Variants in TMEM178B observed in about 807,000 individuals in gnomAD.
The protein encoded by TMEM178B is transmembrane protein 178B.
Under a neutral mutation model 31.0 loss-of-function variants are expected in TMEM178B, and 5 were observed. The observed-to-expected ratio is 0.16, with a 90% CI of 0.08 to 0.34. The LOEUF (loss-of-function observed/expected upper bound fraction) is 0.34. Among genes scored for constraint, TMEM178B ranks in the 10% least tolerant of loss-of-function variants. The probability of loss-of-function intolerance (pLI) is 1.00; values close to 1 mark genes in which losing one functional copy is unlikely to be tolerated. For missense variants in TMEM178B, 275 were observed against 400.3 expected (o/e 0.69, Z 2.67); for synonymous variants, 164 against 164.0 (o/e 1.00, Z 0.00).
At chr7:141,218,182 T>A (rs1049993081) in intron 2 of TMEM178B, among the ~76,000 whole-genome samples, 10 of 152,048 alleles carry the variant, frequency 6.6e-5, no homozygotes, top group African/African-American at 2.4e-4. Context: ...AGGCTTCTCA[T>A]CTACAGCATT....
chr7:141,188,846 T>C (rs957849238), intron 1 of TMEM178B, among the ~76,000 whole-genome samples: 2 of 152,168 alleles, frequency 1.3e-5, no homozygotes, highest in African/African-American at 2.4e-5. Context: ...AGAATCAAGG[T>C]CACAGACTTA....
chr7:141,510,140 G>T, the TMEM178B span, among the ~76,000 whole-genome samples: 2 of 152,174 alleles, frequency 1.3e-5, no homozygotes, highest in Non-Finnish European at 2.9e-5. Context: ...GCTTCCGGGA[G>T]CCTGCTAGAC....
chr7:141,416,940 C>T (rs1364817166), intron 2 of TMEM178B, among the ~76,000 whole-genome samples: 10 of 152,202 alleles, frequency 6.6e-5, no homozygotes, highest in Non-Finnish European at 1.0e-4. Flanking sequence ...TCATGTGAGA[C>T]GCTTCAAGCA....
chr7:141,197,194 C>A (rs1006352601), intron 1 of TMEM178B, among the ~76,000 whole-genome samples: 4 of 152,186 alleles, frequency 2.6e-5, no homozygotes, highest in Non-Finnish European at 5.9e-5. Flanking sequence ...CCTGTATGAA[C>A]TTATTGAATT....
Position 141,470,999 on chromosome 7 carries a change from G to A in TMEM178B, c.*213G>A, listed in dbSNP as rs1336285966. ...CTCTTCCATCAGTTCTTGACTTTTG[G>A]CTTCATGGTCTCTTGAAGACAGAGC... On this transcript the variant is annotated 3_prime_UTR_variant, in exon 4 of 4. Transcript: ENST00000565468. 1 of 166,404 alleles carries A rather than the reference G, an allele frequency of 6.0e-6. No individual in the cohort carries two copies. The highest frequency in any genetic ancestry group is 1.7e-4 in the East Asian group (1 of 5,850). The allele number at this position is 166,404 out of a possible 1,614,324, so 10.3% of individuals were successfully genotyped here. A position where few individuals can be genotyped will look rare whatever the true frequency, so the allele number is the denominator to read the frequency against.
intron 3 of TMEM178B, among the ~76,000 whole-genome samples, chr7:141,469,102 G>A (rs1047601322): frequency 2.3e-4 from 35 of 152,210 alleles, no homozygotes; most frequent in African/African-American, 8.0e-4. Flanking sequence ...TATTGGCACA[G>A]CTGCCAGTAT....
At chr7:141,237,602 T>C (rs1023262045) in intron 2 of TMEM178B, among the ~76,000 whole-genome samples, 1 of 152,236 alleles carries the variant, frequency 6.6e-6, no homozygotes, top group Non-Finnish European at 1.5e-5. Flanking sequence ...TGATTATCTC[T>C]GGGTGGTGGG....
At position 141,425,181 on chromosome 7, in the gene TMEM178B, T is replaced by C. The variant is rs544203676; in HGVS notation, c.497-12427T>C. Among the ~76,000 whole-genome samples the C allele has an allele frequency of 1.8e-3, 275 of 152,358 alleles. 2 individuals are homozygous for C. The highest frequency in any genetic ancestry group is 6.3e-3 in the African/African-American group (260 of 41,586). ...GTGTTAATTCCTATTTATCTTCCCC[T>C]TTCCCAGGCTTTTCAAATCCTTTGC... On this transcript the variant is annotated intron_variant, in intron 2 of 3. Coordinates refer to ENST00000565468, the MANE Select transcript of TMEM178B (RefSeq NM_001195278.2).
intron 2 of TMEM178B, among the ~76,000 whole-genome samples, chr7:141,236,039 A>G (rs778434142): frequency 6.6e-6 from 1 of 152,226 alleles, no homozygotes; most frequent in Non-Finnish European, 1.5e-5. Context: ...CTGGATCACC[A>G]GCAAGAGATG....
At chr7:141,215,801 T>C (rs1244028093) in intron 2 of TMEM178B, among the ~76,000 whole-genome samples, 1 of 103,534 alleles carries the variant, frequency 9.7e-6, no homozygotes, top group East Asian at 3.0e-4. Flanking sequence ...TTTCTTTCTT[T>C]CTTTCTTTCT....
intron 1 of TMEM178B, among the ~76,000 whole-genome samples, chr7:141,125,603 C>T (rs1795479210): frequency 6.6e-6 from 1 of 151,262 alleles, no homozygotes; most frequent in African/African-American, 2.4e-5. Flanking sequence ...TTGCCTGAAC[C>T]CAGGAGGTGG....
chr7:141,129,230 G>C (rs1795555781), intron 1 of TMEM178B, among the ~76,000 whole-genome samples: 1 of 152,176 alleles, frequency 6.6e-6, no homozygotes, highest in Admixed American at 6.5e-5. Flanking sequence ...TTGAATGAAT[G>C]AACTATTTAT....
At chr7:141,146,951 A>G (rs1231184740) in intron 1 of TMEM178B, among the ~76,000 whole-genome samples, 2 of 152,074 alleles carry the variant, frequency 1.3e-5, no homozygotes, top group Non-Finnish European at 2.9e-5. Context: ...GTATCTGTGT[A>G]TTTCTATGGG....
At chr7:141,359,208 T>C (rs1799875090) in intron 2 of TMEM178B, among the ~76,000 whole-genome samples, 1 of 152,254 alleles carries the variant, frequency 6.6e-6, no homozygotes, top group African/African-American at 2.4e-5. Context: ...ATTGATGATT[T>C]GTTTTCTTCC....
intron 2 of TMEM178B, among the ~76,000 whole-genome samples, chr7:141,240,762 C>T (rs781126960): frequency 2.6e-5 from 4 of 152,214 alleles, no homozygotes; most frequent in Admixed American, 1.3e-4. Flanking sequence ...AAGCCAATTG[C>T]TTTCTCATCC....
At chr7:141,270,215 C>T (rs1355848155) in intron 2 of TMEM178B, among the ~76,000 whole-genome samples, 2 of 152,190 alleles carry the variant, frequency 1.3e-5, no homozygotes, top group African/African-American at 4.8e-5. Flanking sequence ...ATGGTCAGTA[C>T]ACAGCTCTGG....
chr7:141,390,641 C>T (rs190163192), intron 2 of TMEM178B, among the ~76,000 whole-genome samples: 73 of 152,360 alleles, frequency 4.8e-4, no homozygotes, highest in East Asian at 1.7e-3. Context: ...CTACCTGCCC[C>T]GTTCTGACAC....
At chr7:141,187,789 G>A (rs183967981) in intron 1 of TMEM178B, among the ~76,000 whole-genome samples, 14 of 152,136 alleles carry the variant, frequency 9.2e-5, no homozygotes, top group Admixed American at 2.6e-4. Flanking sequence ...TGATGGGGTT[G>A]TTTGTTTTTT....
chr7:141,224,762 A>G lies in TMEM178B; in HGVS notation c.496+12058A>G, dbSNP rs1797313163. ...GGCAGGGGAGGAATCAGGTTCTGGC[A>G]GAAGGAGAAGTCAGGCTGGGATGTG... On this transcript the variant is annotated intron_variant, in intron 2 of 3. Coordinates refer to ENST00000565468, the MANE Select transcript of TMEM178B (RefSeq NM_001195278.2). Among the ~76,000 whole-genome samples, 4 of 152,232 alleles carry G rather than the reference A, an allele frequency of 2.6e-5. No homozygotes were observed. In the South Asian group the frequency reaches 8.3e-4, roughly 32 times the overall value.
Sources: gnomAD v4.1 joint callset for allele counts (sites outside exome capture counted in the v4.1 genomes callset) on GRCh38, gnomAD v4.1.1 for gene constraint, MANE v1.5 for transcripts, NCBI Gene and HGNC (gene_info 2026-07-23, HGNC 2026-07-21) for gene names.